UBE2H: variants seen among roughly 807,000 people sequenced by gnomAD.
UBE2H encodes the protein ubiquitin conjugating enzyme E2 H.
A neutral mutation model predicts 29.0 loss-of-function variants in UBE2H; 3 were observed. That is an observed-to-expected ratio of 0.10 (90% CI 0.05 to 0.27). UBE2H has a LOEUF of 0.27. UBE2H is among the 10% of genes least tolerant of loss of function. UBE2H has a pLI of 1.00. For synonymous variants in UBE2H, 69 were observed against 82.9 expected, an observed-to-expected ratio of 0.83 and a Z score of 0.91; for missense variants, 68 against 228.2, an observed-to-expected ratio of 0.30 and a Z score of 4.52.
At chr7:129,941,990 G>A (rs761512879) in intron 1 of UBE2H, among the ~76,000 whole-genome samples, 5 of 150,970 alleles carry the variant, frequency 3.3e-5, no homozygotes, top group East Asian at 2.0e-4. Context: ...CAGCCAGACC[G>A]CTTGAGCCCA....
chr7:129,850,225 G>C (rs1211465469), intron 5 of UBE2H, among the ~76,000 whole-genome samples: 1 of 152,014 alleles, frequency 6.6e-6, no homozygotes, highest in African/African-American at 2.4e-5. Flanking sequence ...AAATTAGCCT[G>C]ATGTGGTGGT....
At chr7:129,925,048 G>A (rs1394938192) in intron 1 of UBE2H, among the ~76,000 whole-genome samples, 1 of 151,994 alleles carries the variant, frequency 6.6e-6, no homozygotes, top group East Asian at 1.9e-4. Flanking sequence ...GAACCCGAAA[G>A]ACATAAGATA....
chr7:129,879,835 T>TA (rs1487513628), intron 2 of UBE2H, among the ~76,000 whole-genome samples, 193 bp from the exon 3 acceptor site: 1 of 152,232 alleles, frequency 6.6e-6, no homozygotes, highest in Non-Finnish European at 1.5e-5. Context: ...GATCCAGAGT[T>TA]AAAAAATAAG....
At chr7:129,888,728 G>C (rs891679009) in intron 1 of UBE2H, among the ~76,000 whole-genome samples, 1 of 152,194 alleles carries the variant, frequency 6.6e-6, no homozygotes, top group African/African-American at 2.4e-5. Flanking sequence ...GTTCGCCTCA[G>C]CCTCCCAAAG....
At chr7:129,854,342 A>C (rs1227655688) in intron 5 of UBE2H, among the ~76,000 whole-genome samples, 1 of 152,232 alleles carries the variant, frequency 6.6e-6, no homozygotes, top group Non-Finnish European at 1.5e-5. Context: ...TCCGTGAAAG[A>C]AATGTTGAAT....
At chr7:129,870,228 A>G (rs1806001510) in intron 3 of UBE2H, among the ~76,000 whole-genome samples, 2 of 151,938 alleles carry the variant, frequency 1.3e-5, no homozygotes, top group African/African-American at 4.8e-5. Context: ...TGCTCCTGCA[A>G]TTCTCTTCCC....
intron 3 of UBE2H, among the ~76,000 whole-genome samples, chr7:129,870,084 A>T (rs1282722257): frequency 6.6e-6 from 1 of 152,076 alleles, no homozygotes; most frequent in East Asian, 1.9e-4. Context: ...TTCATTTTCC[A>T]TAAAAATTTC....
At chr7:129,850,859 G>A (rs1394093875) in intron 5 of UBE2H, among the ~76,000 whole-genome samples, 1 of 147,948 alleles carries the variant, frequency 6.8e-6, no homozygotes, top group Admixed American at 6.8e-5. Flanking sequence ...GAGGGAAGGG[G>A]GATGGGGGGA....
intron 1 of UBE2H, among the ~76,000 whole-genome samples, chr7:129,898,739 T>G (rs559528146): frequency 6.6e-6 from 1 of 151,222 alleles, no homozygotes. Flanking sequence ...CAGAGGAGAA[T>G]CCCTCCTGAA....
rs1202154050 is a variant in UBE2H, at chr7:129,867,699, TAAAAAAAAAAAAAAAAAAGAAAACCAAA to T, written c.206-8786_206-8759del. Reference sequence around the variant, plus strand: ...ATGTACCCTAAAACTTAGAGTATAATAAAAAAAAAAAAAAAAAAGAAAACCAAAAAAAAAAAAAAAAAAGAAGACCATC... The same window carrying T: ...ATGTACCCTAAAACTTAGAGTATAATAAAAAAAAAAAAAAAGAAGACCATC... On this transcript the variant is annotated intron_variant, in intron 3 of 6. Transcript: ENST00000355621. 8.4e-3 allele frequency among the ~76,000 whole-genome samples: 249 copies of T among 29,642 alleles called. 2 individuals carry two copies. The highest frequency in any genetic ancestry group is 0.035 in the African/African-American group (239 of 6,892). 19.4% of individuals were successfully genotyped at this position (29,642 alleles called of 152,430 possible).
At chr7:129,857,632 A>C (rs1805729512) in intron 4 of UBE2H, 69 bp from the exon 5 acceptor site, 1 of 1,498,320 alleles carries the variant, frequency 6.7e-7, no homozygotes, top group Non-Finnish European at 9.2e-7. Flanking sequence ...CTGGCAACTA[A>C]TTTTTACTTA....
chr7:129,943,169 GC>G (rs1400283526), intron 1 of UBE2H, among the ~76,000 whole-genome samples: 1 of 151,748 alleles, frequency 6.6e-6, no homozygotes, highest in African/African-American at 2.4e-5. Flanking sequence ...ATTTCAAAGG[GC>G]CACAAAACAT....
intron 1 of UBE2H, among the ~76,000 whole-genome samples, chr7:129,934,450 C>A (rs1807476576): frequency 6.6e-6 from 1 of 151,386 alleles, no homozygotes; most frequent in East Asian, 1.9e-4. Context: ...CCAGCCTGGC[C>A]AATATGGTGA....
chr7:129,933,295 A>C (rs1448631611), intron 1 of UBE2H, among the ~76,000 whole-genome samples: 1 of 152,264 alleles, frequency 6.6e-6, no homozygotes, highest in African/African-American at 2.4e-5. Flanking sequence ...TAAGAAGTTG[A>C]CAGTATCAAA....
intron 1 of UBE2H, among the ~76,000 whole-genome samples, chr7:129,945,489 G>A (rs922419216): frequency 3.3e-5 from 5 of 152,200 alleles, no homozygotes; most frequent in Non-Finnish European, 7.4e-5. Context: ...GGCTATTTCA[G>A]TGCCAAAACG....
At chr7:129,916,948 A>G (rs1320267484) in intron 1 of UBE2H, among the ~76,000 whole-genome samples, 1 of 151,578 alleles carries the variant, frequency 6.6e-6, no homozygotes, top group Non-Finnish European at 1.5e-5. Flanking sequence ...GAGGCAGGAG[A>G]ATGGCGTGAA....
intron 6 of UBE2H, among the ~76,000 whole-genome samples, chr7:129,837,480 G>A (rs1022727560): frequency 4.6e-5 from 7 of 152,154 alleles, no homozygotes; most frequent in African/African-American, 1.4e-4. Flanking sequence ...AGGAGTTTAA[G>A]GTGAGGACGC....
chr7:129,882,892 A>C (rs1806282218), intron 1 of UBE2H, among the ~76,000 whole-genome samples: 1 of 152,258 alleles, frequency 6.6e-6, no homozygotes. Context: ...CTTAAAGAAA[A>C]CAGACATGGA....
intron 1 of UBE2H, among the ~76,000 whole-genome samples, chr7:129,894,096 G>C (rs754657636): frequency 2.6e-5 from 4 of 152,130 alleles, no homozygotes; most frequent in African/African-American, 4.8e-5. Context: ...CAGAGGTTGT[G>C]GTGAGCTGAG....
Sources: gnomAD v4.1 joint callset for allele counts (sites outside exome capture counted in the v4.1 genomes callset) on GRCh38, gnomAD v4.1.1 for gene constraint, MANE v1.5 for transcripts, NCBI Gene and HGNC (gene_info 2026-07-23, HGNC 2026-07-21) for gene names.